Variants in PCM1 observed in about 807,000 individuals in gnomAD.
PCM1 encodes the protein pericentriolar material 1 protein.
PCM1 carries 157 observed loss-of-function variants against 241.9 expected under a neutral mutation model. That is an observed-to-expected ratio of 0.65 (90% CI 0.57 to 0.74). The LOEUF is 0.74. Ranked by LOEUF, PCM1 falls within the 30% of genes least tolerant of loss-of-function variation. The pLI, the probability that PCM1 is intolerant of heterozygous loss-of-function variation, is 0.00. For missense variants in PCM1, 3,478 were observed against 2,360.1 expected (o/e 1.47, Z -9.81); for synonymous variants, 1,085 against 784.9 (o/e 1.38, Z -6.39).
intron 29 of PCM1, among the ~76,000 whole-genome samples, chr8:18,003,608 A>G (rs1349695045): frequency 1.3e-5 from 2 of 152,156 alleles, no homozygotes; most frequent in Non-Finnish European, 2.9e-5. Context: ...AAGGATCATA[A>G]TTATTTGTAT....
intron 31 of PCM1, among the ~76,000 whole-genome samples, chr8:18,010,283 C>T (rs1314222706): frequency 6.6e-6 from 1 of 152,172 alleles, no homozygotes; most frequent in Non-Finnish European, 1.5e-5. Flanking sequence ...GATGTGTACC[C>T]TTTTCCTGAC....
chr8:17,935,000 A>G (rs190672394), intron 2 of PCM1: 6 of 152,212 alleles, frequency 3.9e-5, no homozygotes, highest in Non-Finnish European at 5.9e-5. Flanking sequence ...AAGCATCACT[A>G]TTCTTAAAAT....
At chr8:17,937,906 T>G (rs2060877108) in intron 4 of PCM1, among the ~76,000 whole-genome samples, 1 of 152,190 alleles carries the variant, frequency 6.6e-6, no homozygotes, top group South Asian at 2.1e-4. Flanking sequence ...AAAGGTAGAT[T>G]CAAGTCTGAT....
At chr8:17,941,113 G>T (rs543613048) in intron 6 of PCM1, among the ~76,000 whole-genome samples, 1 of 152,168 alleles carries the variant, frequency 6.6e-6, no homozygotes, top group Non-Finnish European at 1.5e-5. Flanking sequence ...TACTTAGAGA[G>T]CCTGATCCAA....
intron 33 of PCM1, 98 bp downstream of exon 33, chr8:18,011,464 T>TCAA: frequency 8.4e-7 from 1 of 1,188,658 alleles, no homozygotes; most frequent in Non-Finnish European, 1.1e-6. Context: ...AAATTAAGTG[T>TCAA]CAAAGAACTC....
intron 21 of PCM1, among the ~76,000 whole-genome samples, chr8:17,968,704 CAATGT>C (rs1274219118): frequency 2.8e-5 from 4 of 143,552 alleles, no homozygotes; most frequent in Non-Finnish European, 6.0e-5. Flanking sequence ...TTATGCCCAG[CAATGT>C]GTATATATAT....
chr8:17,962,239 A>G, intron 16 of PCM1, 65 bp downstream of exon 16: 4 of 1,387,290 alleles, frequency 2.9e-6, no homozygotes, highest in Non-Finnish European at 4.0e-6. Flanking sequence ...TTTCTTCAAT[A>G]AGGCACATCT....
At chr8:17,954,478 G>A (rs968775883) in intron 9 of PCM1, among the ~76,000 whole-genome samples, 5 of 151,522 alleles carry the variant, frequency 3.3e-5, no homozygotes, top group South Asian at 2.1e-4. Flanking sequence ...TGAAAGTTGC[G>A]CTTAAGTCCT....
At chr8:17,939,609 C>A (rs1214426870) in intron 5 of PCM1, 82 bp from the exon 6 acceptor site, 4 of 662,646 alleles carry the variant, frequency 6.0e-6, no homozygotes, top group Non-Finnish European at 9.2e-6. Flanking sequence ...ATTTGTAAAA[C>A]TGTTGCTATT....
intron 34 of PCM1, among the ~76,000 whole-genome samples, chr8:18,013,239 A>G (rs2092738110): frequency 6.6e-6 from 1 of 152,168 alleles, no homozygotes. Flanking sequence ...TTATACAGGC[A>G]TGCACTAGAT....
intron 34 of PCM1, chr8:18,013,718 G>A (rs139387141): frequency 2.6e-6 from 1 of 391,882 alleles, no homozygotes; most frequent in East Asian, 4.5e-5. Context: ...AAAATGAACA[G>A]TGCAGTCTGT....
chr8:17,980,674 C>T lies in PCM1; in HGVS notation c.4027C>T (p.Gln1343Ter). ...TTCAGCCCAGACTGAAGAGCCTGTTCAAGCAAAAGTATTCAGCAGAAAGAA... is the reference window on the plus strand; with the variant it reads ...TTCAGCCCAGACTGAAGAGCCTGTTTAAGCAAAAGTATTCAGCAGAAAGAA... ...RHSAQTEEPV[Q>*]AKVFSRKNHE... Residue 1343 changes from glutamine (Q) to a stop codon, truncating the protein, a stop_gained, in exon 24 of 39, where the codon CAA becomes TAA. Coordinates refer to ENST00000325083, the MANE Select transcript of PCM1 (RefSeq NM_006197.4). LOFTEE classifies it high-confidence loss of function. 2 of 1,613,110 alleles carry T rather than the reference C, an allele frequency of 1.2e-6. No individual in the cohort carries two copies. Among genetic ancestry groups the T allele is most frequent in the Non-Finnish European group, 8.5e-7 (1 of 1,179,400 alleles).
chr8:18,010,878 C>G (rs1221685193), intron 32 of PCM1, among the ~76,000 whole-genome samples: 1 of 152,114 alleles, frequency 6.6e-6, no homozygotes, highest in Non-Finnish European at 1.5e-5. Flanking sequence ...GAGGCTGAGA[C>G]AGGAGAATTG....
chr8:18,005,814 C>A (rs1249245998), intron 29 of PCM1, among the ~76,000 whole-genome samples: 1 of 151,846 alleles, frequency 6.6e-6, no homozygotes, highest in Non-Finnish European at 1.5e-5. Flanking sequence ...AAATATCCTA[C>A]AATGCACAGG....
At chr8:17,968,752 GTGTGTGTGTGTATATATA>G (rs1564028825) in intron 21 of PCM1, among the ~76,000 whole-genome samples, 2 of 127,106 alleles carry the variant, frequency 1.6e-5, no homozygotes, top group African/African-American at 5.7e-5. Flanking sequence ...GTGTGTGTGT[GTGTGTGTGTGTATATATA>G]TATATATACA....
At chr8:17,957,203 T>C in intron 11 of PCM1, 61 bp from the exon 12 acceptor site, 1 of 1,376,542 alleles carries the variant, frequency 7.3e-7, no homozygotes, top group South Asian at 1.5e-5. Flanking sequence ...GTTCTAAACT[T>C]GGATTTCTTT....
intron 13 of PCM1, among the ~76,000 whole-genome samples, chr8:17,958,617 A>G (rs1022242627): frequency 5.9e-5 from 9 of 152,162 alleles, no homozygotes; most frequent in Non-Finnish European, 1.0e-4. Context: ...TTTGTGAGTG[A>G]AAAACCTCAA....
intron 6 of PCM1, among the ~76,000 whole-genome samples, chr8:17,945,082 A>G (rs1334070462): frequency 6.6e-6 from 1 of 151,962 alleles, no homozygotes; most frequent in Non-Finnish European, 1.5e-5. Context: ...ATCTGTACCT[A>G]TTTGATTTGG....
In PCM1 at chr8:17,969,681, A is replaced by G. The variant is rs766065034; in HGVS notation, c.3517A>G (p.Lys1173Glu). Residue 1173 changes from lysine to glutamate, a missense_variant, in exon 22 of 39, where the codon AAA (lysine) becomes GAA (glutamate). Transcript: ENST00000325083. ...ACCCTTAGCCCAGAATTCTTCAGGA[A>G]AAACAGAATATATGGCTTTTCCAAA... Reference protein sequence around the residue: ...QQPLAQNSSGKTEYMAFPKPF... With the variant: ...QQPLAQNSSGETEYMAFPKPF... The G allele has an allele frequency of 3.8e-5, 61 of 1,613,310 alleles. No individual in the cohort carries two copies. Among genetic ancestry groups the G allele is most frequent in the Non-Finnish European group, 5.2e-5 (61 of 1,179,474 alleles).
Sources: allele counts gnomAD v4.1 joint callset (sites outside exome capture counted in the v4.1 genomes callset), GRCh38; gene constraint gnomAD v4.1.1; transcripts MANE v1.5; gene names NCBI Gene and HGNC (gene_info 2026-07-23, HGNC 2026-07-21).